Variants in RPS6KA2 observed in about 807,000 individuals in gnomAD.
RPS6KA2 encodes the protein ribosomal protein S6 kinase A2, also known as ribosomal protein S6 kinase alpha-2.
Under a neutral mutation model 91.8 loss-of-function variants are expected in RPS6KA2, and 42 were observed. The observed-to-expected ratio is 0.46, with a 90% CI of 0.36 to 0.59. The LOEUF (loss-of-function observed/expected upper bound fraction) is 0.59, where lower values mean the gene tolerates loss of function less well. Ranked by LOEUF, RPS6KA2 falls within the 20% of genes least tolerant of loss-of-function variation. The probability of loss-of-function intolerance (pLI) is 0.00; values close to 1 mark genes in which losing one functional copy is unlikely to be tolerated. For missense variants in RPS6KA2, 798 were observed against 978.5 expected (o/e 0.82, Z 2.46); for synonymous variants, 414 against 393.6 (o/e 1.05, Z -0.61).
chr6:166,772,974 C>T (rs188244044), intron 2 of RPS6KA2, among the ~76,000 whole-genome samples: 33 of 152,316 alleles, frequency 2.2e-4, no homozygotes, highest in African/African-American at 7.5e-4. Context: ...TCTGCAGCCA[C>T]GCTATCCCTC....
Position 166,770,011 on chromosome 6 carries a change from G to T in RPS6KA2, c.123+88189C>A, listed in dbSNP as rs568722007. Among the ~76,000 whole-genome samples the T allele has an allele frequency of 3.9e-5, 6 of 152,294 alleles. No individual in the cohort carries two copies. The South Asian group carries it at 1.0e-3, about 26-fold the overall frequency. On this transcript the variant is annotated intron_variant, in intron 2 of 21. Coordinates refer to the RPS6KA2 transcript ENST00000503859. The surrounding 1 kb of genome is among the most constrained non-coding windows in gnomAD (Gnocchi z 5.1). The stretch of plus-strand genomic sequence containing the variant: ...ATTTTTGTTTCAAATGAACTACAGC[G>T]CAGTTTAACGTATCAATGTAGATGA...
intron 2 of RPS6KA2, among the ~76,000 whole-genome samples, chr6:166,827,069 G>A (rs948310735): frequency 2.6e-5 from 4 of 152,084 alleles, no homozygotes; most frequent in Non-Finnish European, 4.4e-5. Context: ...TGTTAGTTAT[G>A]TAGGATGATA....
intron 2 of RPS6KA2, among the ~76,000 whole-genome samples, chr6:166,817,409 AC>A (rs1397976448): frequency 6.6e-6 from 1 of 152,002 alleles, no homozygotes; most frequent in Non-Finnish European, 1.5e-5. Flanking sequence ...GTAAACACAC[AC>A]ACACACACAC....
intron 1 of RPS6KA2, among the ~76,000 whole-genome samples, chr6:166,539,825 A>G (rs1783598315): frequency 6.6e-6 from 1 of 152,256 alleles, no homozygotes; most frequent in Non-Finnish European, 1.5e-5. Context: ...ATTCGAGCCC[A>G]ACTGTTCCTT....
rs3799586 is a variant in RPS6KA2, at chr6:166,603,311, C to T, written c.99+23610G>A. Among the ~76,000 whole-genome samples, 22,182 of 151,992 alleles carry T rather than the reference C, an allele frequency of 0.15. 1,649 individuals are homozygous for T. The highest frequency in any genetic ancestry group is 0.22 in the South Asian group (1,060 of 4,812). ...CTCTCGGCTTGTGTGGGCCATGGCT[C>T]TTTCAAAAAAGATCGTGCTGCTTAG... On this transcript the variant is annotated intron_variant, in intron 1 of 20. Transcript: ENST00000265678. This position sits in a 1 kb window ranked among gnomAD's most constrained non-coding sequence, Gnocchi z 4.3.
chr6:166,418,025 C>G lies in RPS6KA2; in HGVS notation c.1938+200G>C, dbSNP rs1778597113. ...ATTACTTGAACCCAGGAGGCAGAGG[C>G]TGCAGTGAGCCAAGATTGTGCCACT... On this transcript the variant is annotated intron_variant, in intron 19 of 20. Transcript: ENST00000265678. This position sits in a 1 kb window ranked among gnomAD's most constrained non-coding sequence, Gnocchi z 4.9. 6.6e-6 allele frequency among the ~76,000 whole-genome samples: 1 copy of G among 151,674 alleles called. No individual in the cohort carries two copies. Among genetic ancestry groups the G allele is most frequent in the Admixed American group, 6.6e-5 (1 of 15,236 alleles).
At chr6:166,545,226 C>T (rs572173866) in intron 1 of RPS6KA2, among the ~76,000 whole-genome samples, 4 of 152,256 alleles carry the variant, frequency 2.6e-5, no homozygotes, top group Admixed American at 6.5e-5. Context: ...AAATGGATGC[C>T]GCAGAATCCG....
At chr6:166,777,827 T>C (rs2128609269) in intron 2 of RPS6KA2, among the ~76,000 whole-genome samples, 1 of 152,048 alleles carries the variant, frequency 6.6e-6, no homozygotes, top group Non-Finnish European at 1.5e-5. Context: ...ATGATAGCAT[T>C]TGCAATTGTG....
intron 1 of RPS6KA2, among the ~76,000 whole-genome samples, chr6:166,615,263 G>A (rs933063041): frequency 2.6e-5 from 4 of 152,110 alleles, no homozygotes; most frequent in Admixed American, 1.3e-4. Context: ...TGAGCCATGC[G>A]ACTCCCGCAC....
intron 1 of RPS6KA2, among the ~76,000 whole-genome samples, chr6:166,546,360 T>C (rs1185003952): frequency 6.6e-6 from 1 of 152,124 alleles, no homozygotes; most frequent in Non-Finnish European, 1.5e-5. Flanking sequence ...ACATCTGTAT[T>C]ATTTAGCACA....
chr6:166,680,607 C>G (rs1452538053), intron 2 of RPS6KA2, among the ~76,000 whole-genome samples: 1 of 152,176 alleles, frequency 6.6e-6, no homozygotes, highest in East Asian at 1.9e-4. Context: ...CCAGGAGGGA[C>G]GAACAACTCT....
intron 3 of RPS6KA2, among the ~76,000 whole-genome samples, chr6:166,517,875 G>A (rs1269248045): frequency 2.6e-5 from 4 of 152,224 alleles, no homozygotes; most frequent in Admixed American, 2.6e-4. Context: ...CCTTTTATTT[G>A]GGCCCATCCC....
chr6:166,788,595 C>T (rs112339397), intron 2 of RPS6KA2, among the ~76,000 whole-genome samples: 1,571 of 152,198 alleles, frequency 0.01, 40 homozygotes, highest in African/African-American at 0.036. Flanking sequence ...AACAGAAAAC[C>T]AAATACTGCA....
intron 2 of RPS6KA2, among the ~76,000 whole-genome samples, chr6:166,739,679 T>C (rs534951667): frequency 6.6e-6 from 1 of 152,300 alleles, no homozygotes; most frequent in Non-Finnish European, 1.5e-5. Flanking sequence ...ACTCTGCAAA[T>C]CCCTCTGTCT....
Position 166,500,732 on chromosome 6 carries a change from G to A in RPS6KA2, c.604+155C>T, listed in dbSNP as rs1204370892. ...GTTATGAAGACATACAATGCCATAA[G>A]CAGTCTGTAGCTATAGAAAATTCTG... On this transcript the variant is annotated intron_variant, in intron 7 of 20. Coordinates refer to ENST00000265678, the MANE Select transcript of RPS6KA2 (RefSeq NM_021135.6). The surrounding 1 kb of genome is among the most constrained non-coding windows in gnomAD (Gnocchi z 4.3). Among the ~76,000 whole-genome samples, 1 of 152,188 alleles carries A rather than the reference G, an allele frequency of 6.6e-6. No homozygotes were observed. Among genetic ancestry groups the A allele is most frequent in the East Asian group, 1.9e-4 (1 of 5,190 alleles).
At chr6:166,678,183 GCCAGAGCCTCCTTACCTTCCCA>G (rs1275615962) in intron 2 of RPS6KA2, among the ~76,000 whole-genome samples, 1 of 152,188 alleles carries the variant, frequency 6.6e-6, no homozygotes, top group Admixed American at 6.5e-5. Flanking sequence ...TCTCCTGCCA[GCCAGAGCCTCCTTACCTTCCCA>G]CCTTATTTCC....
chr6:166,831,294 G>C (rs1780176587), intron 2 of RPS6KA2, among the ~76,000 whole-genome samples: 1 of 152,174 alleles, frequency 6.6e-6, no homozygotes, highest in Non-Finnish European at 1.5e-5. Context: ...CCTCACCAGG[G>C]ATCCCTTCTC....
intron 15 of RPS6KA2, among the ~76,000 whole-genome samples, chr6:166,430,858 A>G: frequency 6.6e-6 from 1 of 152,166 alleles, no homozygotes; most frequent in Admixed American, 6.5e-5. Context: ...AAGGACATAC[A>G]AGATGGGCGT....
intron 14 of RPS6KA2, among the ~76,000 whole-genome samples, chr6:166,442,606 C>T (rs966026453): frequency 2.0e-5 from 3 of 152,134 alleles, no homozygotes; most frequent in African/African-American, 4.8e-5. Flanking sequence ...TTCTATCTAA[C>T]GCCTGCAGCT....
Sources: allele counts gnomAD v4.1 joint callset (sites outside exome capture counted in the v4.1 genomes callset), GRCh38; gene constraint gnomAD v4.1.1; non-coding constraint Gnocchi (gnomAD v3.1); transcripts MANE v1.5; gene names NCBI Gene and HGNC (gene_info 2026-07-23, HGNC 2026-07-21).